IRGM: variants seen among roughly 807,000 people sequenced by gnomAD.
IRGM encodes immunity-related GTPase family M protein.
For synonymous variants in IRGM, 98 were observed against 80.6 expected (o/e 1.22, Z -1.16); for missense variants, 288 against 219.9 (o/e 1.31, Z -1.96).
downstream of IRGM, among the ~76,000 whole-genome samples, chr5:150,902,395 G>A (rs887667562): frequency 3.9e-5 from 6 of 152,096 alleles, no homozygotes; most frequent in Non-Finnish European, 7.4e-5. Flanking sequence ...CCTATCTTAC[G>A]TTAATGAATT....
At chr5:150,863,603 T>C (rs1369410377) in intron 1 of IRGM, among the ~76,000 whole-genome samples, 2 of 152,182 alleles carry the variant, frequency 1.3e-5, no homozygotes, top group African/African-American at 2.4e-5. Context: ...CAATTATAAT[T>C]CTTCATAATA....
chr5:150,859,928 A>T (rs1754112544), intron 1 of IRGM, among the ~76,000 whole-genome samples: 1 of 152,176 alleles, frequency 6.6e-6, no homozygotes, highest in African/African-American at 2.4e-5. Flanking sequence ...GACAACTAAG[A>T]AATGGGTGAG....
intron 1 of IRGM, among the ~76,000 whole-genome samples, chr5:150,859,138 CGTT>C (rs1561742670): frequency 6.6e-6 from 1 of 151,860 alleles, no homozygotes; most frequent in African/African-American, 2.4e-5. Flanking sequence ...TAGCATGAAG[CGTT>C]GTTGAATTTT....
chr5:150,851,426 C>T (rs1188628319), downstream of IRGM, among the ~76,000 whole-genome samples: 1 of 152,186 alleles, frequency 6.6e-6, no homozygotes, highest in Non-Finnish European at 1.5e-5. Context: ...GGGACCTCAT[C>T]AGGACAGGGA....
intron 1 of IRGM, among the ~76,000 whole-genome samples, chr5:150,875,341 G>T (rs1754348167): frequency 6.6e-6 from 1 of 152,200 alleles, no homozygotes; most frequent in African/African-American, 2.4e-5. Flanking sequence ...CAGTGCACCT[G>T]GCTGTGCACT....
At chr5:150,855,505 G>A (rs1581640653) in intron 1 of IRGM, among the ~76,000 whole-genome samples, 2 of 152,182 alleles carry the variant, frequency 1.3e-5, no homozygotes, top group Non-Finnish European at 1.5e-5. Flanking sequence ...TAGATATTTA[G>A]TAGGCATATG....
At chr5:150,866,263 T>C (rs1479768277) in intron 1 of IRGM, among the ~76,000 whole-genome samples, 2 of 152,146 alleles carry the variant, frequency 1.3e-5, no homozygotes, top group Non-Finnish European at 2.9e-5. Flanking sequence ...ACATGAGCCA[T>C]GGCAAAGGAA....
At chr5:150,888,114 A>G (rs1754553516) in intron 3 of IRGM, among the ~76,000 whole-genome samples, 1 of 152,216 alleles carries the variant, frequency 6.6e-6, no homozygotes, top group South Asian at 2.1e-4. Flanking sequence ...TACCAAGCAA[A>G]TGAAAACCAG....
At chr5:150,899,343 A>G (rs1430521931) in intron 3 of IRGM, among the ~76,000 whole-genome samples, 2 of 152,182 alleles carry the variant, frequency 1.3e-5, no homozygotes, top group African/African-American at 4.8e-5. Flanking sequence ...AGGCCATAAA[A>G]GTAACAAAAT....
At chr5:150,890,648 A>G (rs764133064) in intron 3 of IRGM, among the ~76,000 whole-genome samples, 6 of 151,972 alleles carry the variant, frequency 3.9e-5, no homozygotes, top group Admixed American at 6.6e-5. Flanking sequence ...AAATGTTGAT[A>G]TAGTTGTGTT....
At chr5:150,901,239 A>G (rs1413742127), downstream of IRGM, among the ~76,000 whole-genome samples, 2 of 152,152 alleles carry the variant, frequency 1.3e-5, no homozygotes, top group African/African-American at 4.8e-5. Context: ...TGTAACAGAA[A>G]TATAAAGCTA....
chr5:150,885,072 C>T (rs1160210971), intron 3 of IRGM, among the ~76,000 whole-genome samples: 1 of 152,006 alleles, frequency 6.6e-6, no homozygotes, highest in Non-Finnish European at 1.5e-5. Context: ...GTCTTTAATC[C>T]ATCTTGGTTA....
chr5:150,881,742 A>T (rs1260478383), intron 3 of IRGM, among the ~76,000 whole-genome samples: 1 of 152,192 alleles, frequency 6.6e-6, no homozygotes, highest in Non-Finnish European at 1.5e-5. Flanking sequence ...AACATGTGGG[A>T]GAGGGGCAGT....
At chr5:150,857,175 T>A (rs1357692003) in intron 1 of IRGM, among the ~76,000 whole-genome samples, 1 of 151,710 alleles carries the variant, frequency 6.6e-6, no homozygotes, top group African/African-American at 2.4e-5. Flanking sequence ...AGTGAGAACA[T>A]GTGGTGTTTG....
At chr5:150,892,190 CAT>C (rs1754619853) in intron 3 of IRGM, among the ~76,000 whole-genome samples, 1 of 148,746 alleles carries the variant, frequency 6.7e-6, no homozygotes, top group African/African-American at 2.5e-5. Flanking sequence ...TAAATGGTGA[CAT>C]TAAGTGTTTT....
chr5:150,898,648 T>C, intron 3 of IRGM: 2 of 1,381,676 alleles, frequency 1.4e-6, no homozygotes, highest in Non-Finnish European at 1.9e-6. Flanking sequence ...TTTTGTATAA[T>C]AGTTTTTGGG....
rs777039201 is a variant in IRGM, at chr5:150,898,390, T to C, written c.*141-2199T>C. 1.2e-5 allele frequency: 19 copies of C among 1,613,332 alleles called. 1 individual carries two copies. In the African/African-American group the frequency reaches 1.5e-4, roughly 12 times the overall value. ...GCAACTAGTAAGGAAAGGCACTTGATTGGACAACTCTGAGTTATTCAGGGA... is the reference window on the plus strand; with the variant it reads ...GCAACTAGTAAGGAAAGGCACTTGACTGGACAACTCTGAGTTATTCAGGGA... On this transcript the variant is annotated intron_variant and NMD_transcript_variant, in intron 3 of 3. Transcript: ENST00000520549.
chr5:150,900,039 T>C (rs895997881), intron 3 of IRGM, among the ~76,000 whole-genome samples: 4 of 152,126 alleles, frequency 2.6e-5, no homozygotes, highest in Admixed American at 6.5e-5. Flanking sequence ...AAACAGTTAG[T>C]TGTCCATAAC....
intron 1 of IRGM, among the ~76,000 whole-genome samples, chr5:150,875,372 C>T (rs1754348887): frequency 6.6e-6 from 1 of 152,152 alleles, no homozygotes; most frequent in Non-Finnish European, 1.5e-5. Context: ...GGAAAAATGG[C>T]CAGACGTGAA....
Sources: allele counts gnomAD v4.1 joint callset (sites outside exome capture counted in the v4.1 genomes callset), GRCh38; gene constraint gnomAD v4.1.1; transcripts MANE v1.5; gene names NCBI Gene and HGNC (gene_info 2026-07-23, HGNC 2026-07-21).